The following GSE1 variants were observed in gnomAD, a reference collection of about 807,000 sequenced individuals.
GSE1 encodes the protein genetic suppressor element 1.
Under a neutral mutation model 112.6 loss-of-function variants are expected in GSE1, and 32 were observed. That is an observed-to-expected ratio of 0.28 (90% CI 0.21 to 0.38). GSE1 has a LOEUF of 0.38. GSE1 is among the 10% of genes least tolerant of loss of function. The pLI is 1.00. For synonymous variants in GSE1, 1,115 were observed against 735.6 expected (o/e 1.52, Z -8.35); for missense variants, 2,348 against 1,699.2 (o/e 1.38, Z -6.71).
At chr16:85,616,523 C>T (rs924562012) in intron 1 of GSE1, among the ~76,000 whole-genome samples, 9 of 152,222 alleles carry the variant, frequency 5.9e-5, no homozygotes, top group Non-Finnish European at 1.3e-4. Context: ...TCTGGGTAGC[C>T]TGTGAATTGT....
intron 2 of GSE1, among the ~76,000 whole-genome samples, chr16:85,534,826 T>C (rs542933335): frequency 1.3e-5 from 2 of 152,338 alleles, no homozygotes; most frequent in South Asian, 4.1e-4. Flanking sequence ...CTGCGTGTAT[T>C]GATAGCCTGT....
Position 85,520,086 on chromosome 16 carries a change from C to G in GSE1, c.2465-113828C>G, listed in dbSNP as rs149301674. 4.1e-3 allele frequency among the ~76,000 whole-genome samples: 631 copies of G among 152,298 alleles called. 6 individuals are homozygous for G. The highest frequency in any genetic ancestry group is 0.015 in the African/African-American group (609 of 41,564). ...ATAGACCAGGTGGCTTAACAACCATCGAAATGTACTGCTTCAATTTCTGGA... is the reference window on the plus strand; with the variant it reads ...ATAGACCAGGTGGCTTAACAACCATGGAAATGTACTGCTTCAATTTCTGGA... On this transcript the variant is annotated intron_variant, in intron 2 of 2. Coordinates refer to the GSE1 transcript ENST00000637419.
chr16:85,337,597 G>A (rs1364542173), intron 1 of GSE1, among the ~76,000 whole-genome samples: 3 of 152,214 alleles, frequency 2.0e-5, no homozygotes, highest in Middle Eastern at 3.4e-3. Flanking sequence ...GAGCCACCGC[G>A]CCCGGCCAGG....
At chr16:85,359,303 G>T (rs1567710656) in intron 2 of GSE1, 3 of 442,432 alleles carry the variant, frequency 6.8e-6, no homozygotes, top group Non-Finnish European at 9.1e-6. Flanking sequence ...CTCCGAGGAG[G>T]AGGCAGCTTG....
intron 2 of GSE1, among the ~76,000 whole-genome samples, chr16:85,484,048 C>T (rs1335197033): frequency 6.6e-6 from 1 of 152,230 alleles, no homozygotes; most frequent in East Asian, 1.9e-4. Flanking sequence ...GGGGTTACCC[C>T]AGAAGACCCT....
chr16:85,407,307 G>T (rs1184036317), intron 2 of GSE1, among the ~76,000 whole-genome samples: 2 of 18,320 alleles, frequency 1.1e-4, no homozygotes, highest in Non-Finnish European at 1.7e-4. Context: ...CAGGCCCCCC[G>T]GATAATCCTC....
At chr16:85,223,448 G>A (rs545582634) in intron 1 of GSE1, among the ~76,000 whole-genome samples, 4 of 149,524 alleles carry the variant, frequency 2.7e-5, no homozygotes, top group South Asian at 4.2e-4. Flanking sequence ...GCTTGAACCC[G>A]GGAGGTGGAG....
upstream of GSE1, among the ~76,000 whole-genome samples, chr16:85,606,429 G>A (rs1217677709): frequency 6.6e-6 from 1 of 152,242 alleles, no homozygotes; most frequent in Non-Finnish European, 1.5e-5. Context: ...ACGCGGACCT[G>A]GTCAGGTGCC....
intron 2 of GSE1, among the ~76,000 whole-genome samples, chr16:85,409,373 G>GC (rs74188874): frequency 1.7e-4 from 5 of 30,294 alleles, no homozygotes; most frequent in African/African-American, 5.7e-4. Flanking sequence ...TTACACTCAG[G>GC]CCCCCTGGAT....
chr16:85,478,917 TTCTTTCTTTCTC>T (rs758207082), intron 2 of GSE1, among the ~76,000 whole-genome samples: 5,473 of 59,950 alleles, frequency 0.091, 596 homozygotes, highest in African/African-American at 0.11. Context: ...CTTTCTTTCT[TTCTTTCTTTCTC>T]TTTCTTTCTT....
At chr16:85,287,466 C>G (rs561372352) in intron 1 of GSE1, among the ~76,000 whole-genome samples, 168 of 152,308 alleles carry the variant, frequency 1.1e-3, no homozygotes, top group Non-Finnish European at 2.0e-3. Context: ...GGCTTCATCT[C>G]CTCCACGCAC....
intron 1 of GSE1, among the ~76,000 whole-genome samples, chr16:85,186,370 C>T (rs568791896): frequency 2.6e-5 from 4 of 152,064 alleles, no homozygotes; most frequent in African/African-American, 7.2e-5. Flanking sequence ...TTTACGAGGC[C>T]GAGGCAGGTG....
chr16:85,180,361 G>A (rs1240420992), intron 1 of GSE1, among the ~76,000 whole-genome samples: 1 of 152,154 alleles, frequency 6.6e-6, no homozygotes, highest in Non-Finnish European at 1.5e-5. Context: ...GCCCCTCAAA[G>A]GTCACCCACC....
intron 2 of GSE1, among the ~76,000 whole-genome samples, chr16:85,467,114 G>T (rs2050145897): frequency 1.3e-5 from 2 of 152,212 alleles, no homozygotes; most frequent in Admixed American, 6.5e-5. Flanking sequence ...GATGGCCTGG[G>T]CCCTGGCCTC....
At chr16:85,328,378 G>C (rs1393543182) in intron 1 of GSE1, among the ~76,000 whole-genome samples, 1 of 152,234 alleles carries the variant, frequency 6.6e-6, no homozygotes, top group Non-Finnish European at 1.5e-5. Flanking sequence ...CGTCGGGGCT[G>C]CAGGAAGAGC....
intron 1 of GSE1, among the ~76,000 whole-genome samples, chr16:85,187,914 G>A (rs1259957524): frequency 6.6e-6 from 1 of 152,236 alleles, no homozygotes; most frequent in Non-Finnish European, 1.5e-5. Flanking sequence ...GAATGAAGGG[G>A]CCTGTGCCCC....
At chr16:85,308,721 G>C (rs372564972) in intron 1 of GSE1, among the ~76,000 whole-genome samples, 3 of 151,924 alleles carry the variant, frequency 2.0e-5, no homozygotes, top group East Asian at 3.9e-4. Context: ...AGTGGTTCTT[G>C]AATTCTGCAA....
At chr16:85,274,339 C>G (rs1909147860) in intron 1 of GSE1, among the ~76,000 whole-genome samples, 1 of 152,202 alleles carries the variant, frequency 6.6e-6, no homozygotes, top group East Asian at 1.9e-4. Context: ...GAGCTGAGAT[C>G]ACGCCACTGC....
At chr16:85,432,801 C>T (rs1483851561) in intron 2 of GSE1, among the ~76,000 whole-genome samples, 1 of 152,076 alleles carries the variant, frequency 6.6e-6, no homozygotes, top group African/African-American at 2.4e-5. Context: ...AGCAGCAGGC[C>T]CCAGGTGCAC....
Sources: allele counts gnomAD v4.1 joint callset (sites outside exome capture counted in the v4.1 genomes callset), GRCh38; gene constraint gnomAD v4.1.1; transcripts MANE v1.5; gene names NCBI Gene and HGNC (gene_info 2026-07-23, HGNC 2026-07-21).